OSBPL6: variants seen among roughly 807,000 people sequenced by gnomAD.
OSBPL6 encodes the protein oxysterol-binding protein-related protein 6.
Under a neutral mutation model 125.8 loss-of-function variants are expected in OSBPL6, and 49 were observed. That is an observed-to-expected ratio of 0.39 (90% confidence interval 0.31 to 0.49). The LOEUF (loss-of-function observed/expected upper bound fraction) is 0.49, where lower values mean the gene tolerates loss of function less well. Among genes scored for constraint, OSBPL6 ranks in the 20% least tolerant of loss-of-function variants. OSBPL6 has a pLI of 0.88. For synonymous variants in OSBPL6, 394 were observed against 391.8 expected, an observed-to-expected ratio of 1.01 and a Z score of -0.07; for missense variants, 986 against 1,135.4, an observed-to-expected ratio of 0.87 and a Z score of 1.89.
intron 1 of OSBPL6, among the ~76,000 whole-genome samples, chr2:178,219,710 A>G (rs535147565): frequency 2.6e-5 from 4 of 152,322 alleles, no homozygotes; most frequent in Non-Finnish European, 5.9e-5. Context: ...ACAGCAACTA[A>G]TTACGTGCTG....
chr2:178,239,370 G>A (rs2091192856), intron 1 of OSBPL6, among the ~76,000 whole-genome samples: 1 of 152,088 alleles, frequency 6.6e-6, no homozygotes, highest in East Asian at 1.9e-4. Context: ...ACCAAGCCTG[G>A]GCAATATAGT....
chr2:178,295,491 A>G (rs11680778), intron 2 of OSBPL6, among the ~76,000 whole-genome samples: 51,304 of 152,104 alleles, frequency 0.34, 10,086 homozygotes, highest in East Asian at 0.5. Flanking sequence ...CACAGCAGAG[A>G]TTGTATGGTT....
chr2:178,380,037 G>GCTT (rs1286498204), intron 15 of OSBPL6, among the ~76,000 whole-genome samples: 1 of 152,056 alleles, frequency 6.6e-6, no homozygotes, highest in Non-Finnish European at 1.5e-5. Flanking sequence ...CATGACAAAA[G>GCTT]AATTGGCATA....
chr2:178,373,550 A>G (rs1020997757), intron 14 of OSBPL6, among the ~76,000 whole-genome samples: 7 of 152,318 alleles, frequency 4.6e-5, no homozygotes, highest in African/African-American at 1.7e-4. Context: ...CTTCATGTTT[A>G]ATGTACCGTT....
intron 1 of OSBPL6, among the ~76,000 whole-genome samples, chr2:178,249,777 A>G (rs2091624446): frequency 1.3e-5 from 2 of 151,396 alleles, no homozygotes; most frequent in Non-Finnish European, 2.9e-5. Flanking sequence ...CTTTCGAGCC[A>G]ATTTATAAGT....
chr2:178,276,205 C>T (rs1464685746), intron 1 of OSBPL6, among the ~76,000 whole-genome samples: 1 of 152,084 alleles, frequency 6.6e-6, no homozygotes, highest in Non-Finnish European at 1.5e-5. Context: ...TGCAAATATT[C>T]TGTCAAGATT....
At chr2:178,309,179 C>T (rs957088997) in intron 3 of OSBPL6, among the ~76,000 whole-genome samples, 1 of 152,092 alleles carries the variant, frequency 6.6e-6, no homozygotes, top group African/African-American at 2.4e-5. Context: ...TCCCACTGGC[C>T]ACGCAAACCC....
chr2:178,252,058 G>A (rs1263993734), intron 1 of OSBPL6, among the ~76,000 whole-genome samples: 4 of 152,236 alleles, frequency 2.6e-5, no homozygotes, highest in South Asian at 2.1e-4. Flanking sequence ...GAGATGGCAC[G>A]GGCTGAGTAG....
intron 1 of OSBPL6, among the ~76,000 whole-genome samples, chr2:178,280,104 A>G (rs1684005878): frequency 6.6e-6 from 1 of 152,156 alleles, no homozygotes; most frequent in African/African-American, 2.4e-5. Context: ...AGGCTGAGGC[A>G]GGATAATTGC....
chr2:178,274,052 T>G (rs565634526), intron 1 of OSBPL6, among the ~76,000 whole-genome samples: 13 of 152,322 alleles, frequency 8.5e-5, no homozygotes, highest in Admixed American at 3.9e-4. Context: ...AGATGCCCAT[T>G]GATTTGCTGC....
rs1039739123 is a variant in OSBPL6 at position 178,396,026 on chromosome 2, T to C, written c.*467T>C. The C allele has an allele frequency of 6.9e-6, 2 of 290,718 alleles. No individual in the cohort carries two copies. The highest frequency in any genetic ancestry group is 1.4e-5 in the Non-Finnish European group (2 of 146,098). The allele number at this position is 290,718 out of a possible 1,614,324, so 18.0% of individuals were successfully genotyped here. A position where few individuals can be genotyped will look rare whatever the true frequency, so the allele number is the denominator to read the frequency against. ...CAGTGCAGACTTCAAGTGTGTCTGT[T>C]TGATGTGGTGTGATTGTGCTGGCCT... On this transcript the variant is annotated 3_prime_UTR_variant, in exon 25 of 25. Coordinates refer to ENST00000190611, the MANE Select transcript of OSBPL6 (RefSeq NM_032523.4).
chr2:178,298,327 T>C (rs1360768040), intron 2 of OSBPL6, among the ~76,000 whole-genome samples: 1 of 152,262 alleles, frequency 6.6e-6, no homozygotes, highest in African/African-American at 2.4e-5. Context: ...TACATGCTGC[T>C]ATGGACATGG....
At chr2:178,390,158 A>G (rs1399845496) in intron 21 of OSBPL6, among the ~76,000 whole-genome samples, 1 of 152,232 alleles carries the variant, frequency 6.6e-6, no homozygotes, top group African/African-American at 2.4e-5. Context: ...ATGTAAATCA[A>G]GTCTGTAAGC....
At chr2:178,326,703 A>G (rs376775098) in intron 4 of OSBPL6, among the ~76,000 whole-genome samples, 17 of 152,100 alleles carry the variant, frequency 1.1e-4, no homozygotes, top group African/African-American at 4.1e-4. Context: ...ACGGGGGAAC[A>G]TTGTCTGCTC....
At chr2:178,292,691 C>T (rs112243411) in intron 2 of OSBPL6, among the ~76,000 whole-genome samples, 36 of 152,232 alleles carry the variant, frequency 2.4e-4, no homozygotes, top group African/African-American at 8.2e-4. Context: ...CAGTATCCTC[C>T]AGGCACTGTT....
In OSBPL6 at chr2:178,396,849, C is replaced by T. The variant is rs1488756250; in HGVS notation, c.*1290C>T. ...TACTTCAGGATTTGTTTTTCCTCCA[C>T]TAATATACAGAGGCTTTTGCAGAAA... On this transcript the variant is annotated 3_prime_UTR_variant, in exon 25 of 25. Transcript: ENST00000190611. 6.6e-6 allele frequency: 1 copy of T among 152,204 alleles called. No homozygotes were observed. The highest frequency in any genetic ancestry group is 2.4e-5 in the African/African-American group (1 of 41,458). 9.4% of individuals were successfully genotyped at this position (152,204 alleles called of 1,614,324 possible).
intron 3 of OSBPL6, among the ~76,000 whole-genome samples, chr2:178,312,321 G>A (rs769387412): frequency 3.2e-4 from 48 of 149,128 alleles, no homozygotes; most frequent in East Asian, 4.0e-4. Flanking sequence ...CACCACGCCT[G>A]GCTAACTTTG....
intron 1 of OSBPL6, among the ~76,000 whole-genome samples, chr2:178,224,774 G>A (rs1428638549): frequency 3.3e-5 from 5 of 152,026 alleles, no homozygotes; most frequent in Admixed American, 3.3e-4. Context: ...ATCTCTACAA[G>A]GAATTAAAAA....
intron 3 of OSBPL6, among the ~76,000 whole-genome samples, chr2:178,315,489 A>G (rs549188218): frequency 3.9e-5 from 6 of 152,318 alleles, no homozygotes; most frequent in African/African-American, 1.2e-4. Flanking sequence ...ATAATGGCAC[A>G]CAGATACTCA....
Sources: allele counts gnomAD v4.1 joint callset (sites outside exome capture counted in the v4.1 genomes callset), GRCh38; gene constraint gnomAD v4.1.1; transcripts MANE v1.5; gene names NCBI Gene and HGNC (gene_info 2026-07-23, HGNC 2026-07-21).